The following NBPF15 variants were observed in gnomAD, a reference collection of about 807,000 sequenced individuals.
NBPF15 encodes NBPF family member NBPF15.
NBPF15 carries 74 observed loss-of-function variants against 62.2 expected under a neutral mutation model. That is an observed-to-expected ratio of 1.19 (90% CI 0.99 to 1.44). NBPF15 has a LOEUF of 1.44. Among genes scored for constraint, NBPF15 ranks in the 40% most tolerant of loss-of-function variants. The pLI is 0.00. For missense variants in NBPF15, 790 were observed against 550.0 expected, an observed-to-expected ratio of 1.44 and a Z score of -4.36; for synonymous variants, 244 against 209.7, an observed-to-expected ratio of 1.16 and a Z score of -1.41.
Position 144,423,213 on chromosome 1 carries a change from G to T in NBPF15, c.1813C>A (p.Gln605Lys). Residue 605 changes from glutamine (Q) to lysine (K), a missense_variant, in exon 22 of 22, where the codon CAG (glutamine) becomes AAG (lysine). Coordinates refer to ENST00000581897, the MANE Select transcript of NBPF15 (RefSeq NM_001385408.1). ...GAATAACATCTATCCAGTGAGTCCT[G>T]TAAGACTTCAGGCTCTTCCACTTCC... ...LMEVEEPEVLQDSLDRCYSTP... is the reference protein window; with the variant it reads ...LMEVEEPEVLKDSLDRCYSTP... 1.2e-6 allele frequency: 2 copies of T among 1,611,604 alleles called. No individual in the cohort carries two copies. Among genetic ancestry groups the T allele is most frequent in the Non-Finnish European group, 8.5e-7 (1 of 1,179,616 alleles).
rs1172044741 is a variant in NBPF15, at chr1:144,426,672, T to A, written c.1266-222A>T. Among the ~76,000 whole-genome samples the A allele has an allele frequency of 4.2e-4, 63 of 150,294 alleles. 4 individuals are homozygous for A. The East Asian group carries it at 0.012, about 28-fold the overall frequency. On this transcript the variant is annotated intron_variant, in intron 17 of 21. Transcript: ENST00000581897. ...AGGGAGAGAGAGAGAGAGGAGAAAG[T>A]GAGCTCAGCGAATTGGCCGGGTGAC...
rs1553539302 is a variant in NBPF15, at chr1:144,426,550, A to G, written c.1266-100T>C. 2.3e-5 allele frequency: 17 copies of G among 739,192 alleles called. No homozygotes were observed. The Admixed American group carries it at 2.3e-4, about 10-fold the overall frequency. The allele number at this position is 739,192 out of a possible 1,614,324, so 45.8% of individuals were successfully genotyped here. ...CTAACATAAGGAACTGTTTAAAAAG[A>G]AAAAGGACGGATCCATTAATGAGGT... On this transcript the variant is annotated intron_variant, in intron 17 of 21. Coordinates refer to ENST00000581897, the MANE Select transcript of NBPF15 (RefSeq NM_001385408.1).
intron 8 of NBPF15, among the ~76,000 whole-genome samples, chr1:144,439,379 T>C (rs1243238135): frequency 6.6e-6 from 1 of 152,036 alleles, no homozygotes; most frequent in Non-Finnish European, 1.5e-5. Flanking sequence ...CTGGCTACTA[T>C]CACCAAGTTT....
rs1216680392 is a variant in NBPF15 at position 144,456,754 on chromosome 1, G to A, written c.-649C>T. ...GTAAGGGACGGTAAGGTGAGAGCCT[G>A]GGTCACCAGGAACCTTCGCCTGCAT... On this transcript the variant is annotated 5_prime_UTR_variant, in exon 4 of 22. Transcript: ENST00000581897. The A allele has an allele frequency of 2.1e-6, 2 of 951,298 alleles. No individual in the cohort carries two copies. The highest frequency in any genetic ancestry group is 3.5e-5 in the African/African-American group (2 of 57,080). 58.9% of individuals were successfully genotyped at this position (951,298 alleles called of 1,614,324 possible).
Position 144,424,675 on chromosome 1 carries a change from T to C in NBPF15, c.1663+15A>G, listed in dbSNP as rs1668323319. ...ACTCAGTGGATCCTTATCACCTTCA[T>C]AGAAAGGTACTCACCTCCCACGTCA... On this transcript the variant is annotated intron_variant, in intron 20 of 21. Transcript: ENST00000581897. 1.6e-6 allele frequency: 1 copy of C among 636,124 alleles called. No individual in the cohort carries two copies. The highest frequency in any genetic ancestry group is 2.8e-6 in the Non-Finnish European group (1 of 360,244). The allele number at this position is 636,124 out of a possible 1,614,324, so 39.4% of individuals were successfully genotyped here. A position where few individuals can be genotyped will look rare whatever the true frequency, so the allele number is the denominator to read the frequency against.
In NBPF15 at chr1:144,440,147, C is replaced by G. The variant is rs1390153024; in HGVS notation, c.-42G>C. Reference sequence around the variant, plus strand: ...ACTGAAATTCTTAACTTACTGTTGTCAAAAATGTGATCACTCCCCACAGCA... The same window carrying G: ...ACTGAAATTCTTAACTTACTGTTGTGAAAAATGTGATCACTCCCCACAGCA... On this transcript the variant is annotated 5_prime_UTR_variant, in exon 7 of 22. Coordinates refer to ENST00000581897, the MANE Select transcript of NBPF15 (RefSeq NM_001385408.1). The G allele has an allele frequency of 7.0e-5, 111 of 1,583,222 alleles. No homozygotes were observed. Among genetic ancestry groups the G allele is most frequent in the Admixed American group, 1.5e-4 (9 of 59,036 alleles).
intron 10 of NBPF15, among the ~76,000 whole-genome samples, chr1:144,436,324 G>A (rs1558606319): frequency 6.6e-6 from 1 of 151,936 alleles, no homozygotes; most frequent in Non-Finnish European, 1.5e-5. Context: ...CTATCCATGG[G>A]GAGTGCTCCA....
chr1:144,440,788 G>T (rs2102249663), intron 6 of NBPF15, among the ~76,000 whole-genome samples: 1 of 150,522 alleles, frequency 6.6e-6, no homozygotes, highest in African/African-American at 2.4e-5. Flanking sequence ...AAGTAGTTGG[G>T]AATACAGGCG....
chr1:144,461,221 AG>A (rs1652739737), intron 1 of NBPF15, among the ~76,000 whole-genome samples, 159 bp downstream of exon 1: 1 of 152,014 alleles, frequency 6.6e-6, no homozygotes, highest in Non-Finnish European at 1.5e-5. Context: ...TGCGGGCGGC[AG>A]CGGCAAGCGA....
chr1:144,432,488 G>A (rs1287565858), intron 13 of NBPF15, among the ~76,000 whole-genome samples: 6 of 151,994 alleles, frequency 3.9e-5, no homozygotes, highest in South Asian at 2.1e-4. Context: ...TGGGCTAAAT[G>A]CCCCAGTTAA....
Position 144,439,907 on chromosome 1 carries a change from G to C in NBPF15, c.97C>G (p.Gln33Glu), listed in dbSNP as rs1325568265. Residue 33 changes from glutamine to glutamate, a missense_variant, in exon 8 of 22, where the codon CAG (glutamine) becomes GAG (glutamate). By Grantham distance (29) the Gln-to-Glu change is conservative (BLOSUM62 2). Coordinates refer to ENST00000581897, the MANE Select transcript of NBPF15 (RefSeq NM_001385408.1). ...KLRPQLAEKK[Q>E]QFRNLKEKCF... Reference sequence around the variant, plus strand: ...TTCTCTTTGAGGTTTCTGAACTGCTGTTTCTTCTCTGCCAACTGGGGGCGC... The same window carrying C: ...TTCTCTTTGAGGTTTCTGAACTGCTCTTTCTTCTCTGCCAACTGGGGGCGC... 6.2e-6 allele frequency: 10 copies of C among 1,611,422 alleles called. No individual in the cohort carries two copies. The highest frequency in any genetic ancestry group is 8.5e-6 in the Non-Finnish European group (10 of 1,179,260).
At chr1:144,445,146 C>G (rs1196443923) in intron 6 of NBPF15, among the ~76,000 whole-genome samples, 6 of 151,060 alleles carry the variant, frequency 4.0e-5, no homozygotes, top group African/African-American at 1.2e-4. Context: ...GCTAACTGAC[C>G]ATTCATGTAT....
chr1:144,426,816 A>C (rs1375995895), intron 17 of NBPF15, among the ~76,000 whole-genome samples: 16 of 151,000 alleles, frequency 1.1e-4, no homozygotes, highest in African/African-American at 1.5e-4. Context: ...GATTCCATGC[A>C]GTTGCCATAC....
chr1:144,453,450 C>A (rs1234141773), intron 4 of NBPF15, among the ~76,000 whole-genome samples: 4 of 151,120 alleles, frequency 2.6e-5, no homozygotes, highest in East Asian at 1.9e-4. Flanking sequence ...ACCAAAAGCA[C>A]AATCTACTAA....
chr1:144,449,025 T>A (rs1317032804), intron 5 of NBPF15, 109 bp from the exon 6 acceptor site: 1 of 153,354 alleles, frequency 6.5e-6, no homozygotes, highest in East Asian at 1.6e-4. Context: ...TTCACTTGAG[T>A]GCCCTGTGTG....
chr1:144,436,975 T>A lies in NBPF15; in HGVS notation c.413A>T (p.Lys138Met), dbSNP rs1571130505. The change falls in exon 10 of 22, where the codon AAG becomes ATG. Residue 138 changes from lysine to methionine, a missense_variant. Physicochemically the swap from Lys to Met is moderately conservative, Grantham distance 95. Coordinates refer to ENST00000581897, the MANE Select transcript of NBPF15 (RefSeq NM_001385408.1). ...TTCTTGGAGGTCCTGCCCCTGGGAC[T>A]TGTCCGGCTCATCCGGAGTGAGGAG... ...QALLTPDEPD[K>M]SQGQDLQEQL... The A allele has an allele frequency of 1.2e-6, 2 of 1,604,234 alleles. No homozygotes were observed. Among genetic ancestry groups the A allele is most frequent in the East Asian group, 2.2e-5 (1 of 44,812 alleles).
rs1346808910 is a variant in NBPF15, at chr1:144,422,807, G to A, written c.*206C>T. 19 of 1,283,032 alleles carry A rather than the reference G, an allele frequency of 1.5e-5. No individual in the cohort carries two copies. The highest frequency in any genetic ancestry group is 1.9e-5 in the Non-Finnish European group (18 of 929,358). 79.5% of individuals were successfully genotyped at this position (1,283,032 alleles called of 1,614,324 possible). On this transcript the variant is annotated 3_prime_UTR_variant, in exon 22 of 22. Coordinates refer to ENST00000581897, the MANE Select transcript of NBPF15 (RefSeq NM_001385408.1). The stretch of plus-strand genomic sequence containing the variant: ...CTCCCGGCATGTTCTGCACAGTTAT[G>A]TGAACGTGTCACACCTAACATGGGT...
Position 144,440,813 on chromosome 1 carries a change from C to T in NBPF15, c.-190-518G>A, listed in dbSNP as rs1183174668. 1.3e-4 allele frequency among the ~76,000 whole-genome samples: 20 copies of T among 150,902 alleles called. No homozygotes were observed. In the East Asian group the frequency reaches 2.0e-3, roughly 15 times the overall value. ...GAATACAGGCGCCCGCCACCACGCC[C>T]GGCTAATTTTTCTTTTTCTTTTTTT... On this transcript the variant is annotated intron_variant, in intron 6 of 21. Coordinates refer to ENST00000581897, the MANE Select transcript of NBPF15 (RefSeq NM_001385408.1).
At chr1:144,428,457 C>G (rs1213498473) in intron 15 of NBPF15, 149 bp downstream of exon 15, 2 of 888,166 alleles carry the variant, frequency 2.3e-6, no homozygotes, top group East Asian at 2.4e-5. Flanking sequence ...AACATTTACT[C>G]TAATGAGAAC....
Sources: gnomAD v4.1 joint callset for allele counts (sites outside exome capture counted in the v4.1 genomes callset) on GRCh38, gnomAD v4.1.1 for gene constraint, MANE v1.5 for transcripts, NCBI Gene and HGNC (gene_info 2026-07-23, HGNC 2026-07-21) for gene names.